Variants in EZR observed in about 807,000 individuals in gnomAD.
EZR encodes ezrin, also known as cytovillin 2.
EZR carries 40 observed loss-of-function variants against 74.8 expected under a neutral mutation model. That is an observed-to-expected ratio of 0.53 (90% confidence interval 0.42 to 0.70). The LOEUF (loss-of-function observed/expected upper bound fraction) is 0.70. Among genes scored for constraint, EZR ranks in the 30% least tolerant of loss-of-function variants. EZR has a pLI of 0.00. For missense variants in EZR, 678 were observed against 755.8 expected (o/e 0.90, Z 1.21); for synonymous variants, 341 against 283.3 (o/e 1.20, Z -2.05).
chr6:158,771,321 G>A lies in EZR; in HGVS notation c.882C>T (p.Arg294=). 1.2e-6 allele frequency: 2 copies of A among 1,614,182 alleles called. No homozygotes were observed. Among genetic ancestry groups the A allele is most frequent in the Non-Finnish European group, 1.7e-6 (2 of 1,180,012 alleles). The change falls in exon 9 of 14, where the codon CGC becomes CGT. Residue 294 remains arginine (R), a synonymous_variant. Transcript: ENST00000367075. Reference sequence around the variant, plus strand: ...GCACCTCGATGGTGTCAGGCTTCCTGCGGCGCATATACAACTCATGGTTGC... The same window carrying A: ...GCACCTCGATGGTGTCAGGCTTCCTACGGCGCATATACAACTCATGGTTGC... ...CMGNHELYMR[R]RKPDTIEVQQ...
intron 8 of EZR, among the ~76,000 whole-genome samples, chr6:158,772,696 T>G (rs576422822): frequency 6.6e-6 from 1 of 152,186 alleles, no homozygotes; most frequent in East Asian, 1.9e-4. Context: ...GAAACTCCCA[T>G]GAAAAGTTAT....
intron 9 of EZR, 142 bp downstream of exon 9, chr6:158,771,102 G>C (rs1439265775): frequency 7.4e-7 from 1 of 1,350,662 alleles, no homozygotes; most frequent in Non-Finnish European, 1.0e-6. Context: ...AGAGACAAAG[G>C]CCTCGAAGAT....
chr6:158,803,811 C>A (rs1777270530), intron 2 of EZR, among the ~76,000 whole-genome samples: 1 of 151,494 alleles, frequency 6.6e-6, no homozygotes, highest in African/African-American at 2.4e-5. Context: ...CAGACCAAGG[C>A]TGCTTAACAA....
intron 2 of EZR, among the ~76,000 whole-genome samples, chr6:158,791,999 C>T (rs1359201261): frequency 3.3e-5 from 5 of 151,898 alleles, no homozygotes; most frequent in South Asian, 2.1e-4. Context: ...TGAGCCACCG[C>T]GCCCGGCCCA....
chr6:158,794,957 T>TA (rs1777037108), intron 2 of EZR, among the ~76,000 whole-genome samples: 3 of 152,130 alleles, frequency 2.0e-5, no homozygotes, highest in Admixed American at 6.5e-5. Flanking sequence ...ATCTACTCTT[T>TA]AAAAAAGTCT....
At chr6:158,790,874 G>A (rs949529768) in intron 2 of EZR, among the ~76,000 whole-genome samples, 2 of 152,174 alleles carry the variant, frequency 1.3e-5, no homozygotes, top group African/African-American at 4.8e-5. Flanking sequence ...ATTAAGAAAT[G>A]CTTGCTTCTC....
At chr6:158,814,025 G>A (rs190042640) in intron 2 of EZR, among the ~76,000 whole-genome samples, 209 of 152,282 alleles carry the variant, frequency 1.4e-3, no homozygotes, top group African/African-American at 4.8e-3. Flanking sequence ...GGCGGGCAGA[G>A]AGGATGCTTC....
At position 158,795,980 on chromosome 6, in the gene EZR, C is replaced by T. The variant is rs1583577214; in HGVS notation, c.13-6609G>A. 3.3e-5 allele frequency among the ~76,000 whole-genome samples: 5 copies of T among 152,336 alleles called. No individual in the cohort carries two copies. In the South Asian group the frequency reaches 1.0e-3, roughly 32 times the overall value. On this transcript the variant is annotated intron_variant, in intron 2 of 13. Coordinates refer to ENST00000367075, the MANE Select transcript of EZR (RefSeq NM_001111077.2). ...CTAGATGGCTTGAGGCCTTTTCCCA[C>T]TCTGAAATGCTAGGTTCAAAGCCCA...
intron 1 of EZR, among the ~76,000 whole-genome samples, chr6:158,819,025 ACT>A (rs1484634202): frequency 2.6e-5 from 4 of 151,422 alleles, no homozygotes; most frequent in South Asian, 2.1e-4. Context: ...CCTTTGAGAA[ACT>A]CTTTCAAAAA....
Position 158,776,494 on chromosome 6 carries a change from T to C in EZR, c.709A>G (p.Lys237Glu). The change falls in exon 8 of 14, where the codon AAG (lysine) becomes GAG (glutamate). Residue 237 changes from lysine (K) to glutamate (E), a missense_variant. By Grantham distance (56) the Lys-to-Glu change is moderately conservative. Transcript: ENST00000367075. ...IYEKDDKLTPKIGFPWSEIRN... is the reference protein window; with the variant it reads ...IYEKDDKLTPEIGFPWSEIRN... ...ATTTCACTCCAAGGAAAGCCAATCTTTGGGGTTAACCTGAGGTTAAAAAGA... is the reference window on the plus strand; with the variant it reads ...ATTTCACTCCAAGGAAAGCCAATCTCTGGGGTTAACCTGAGGTTAAAAAGA... 6.2e-7 allele frequency: 1 copy of C among 1,613,178 alleles called. No homozygotes were observed. The highest frequency in any genetic ancestry group is 8.5e-7 in the Non-Finnish European group (1 of 1,179,582).
chr6:158,768,565 G>T (rs918919822), intron 12 of EZR, among the ~76,000 whole-genome samples: 1 of 152,152 alleles, frequency 6.6e-6, no homozygotes, highest in Non-Finnish European at 1.5e-5. Context: ...TGAAGGAGAG[G>T]AGCTGCTTAA....
Position 158,785,290 on chromosome 6 carries a change from C to A in EZR, c.467+19G>T, listed in dbSNP as rs1406330085. ...ACGGCATGACTGCTCCTGCCCAGGCCGGGTCATCCTGTGCTCACCTTTGAG... is the reference window on the plus strand; with the variant it reads ...ACGGCATGACTGCTCCTGCCCAGGCAGGGTCATCCTGTGCTCACCTTTGAG... On this transcript the variant is annotated intron_variant, in intron 5 of 13. Coordinates refer to ENST00000367075, the MANE Select transcript of EZR (RefSeq NM_001111077.2). 6.2e-7 allele frequency: 1 copy of A among 1,609,696 alleles called. No individual in the cohort carries two copies. The highest frequency in any genetic ancestry group is 1.7e-5 in the Admixed American group (1 of 59,958).
At chr6:158,807,751 C>A (rs1243860714) in intron 2 of EZR, among the ~76,000 whole-genome samples, 1 of 152,104 alleles carries the variant, frequency 6.6e-6, no homozygotes, top group Non-Finnish European at 1.5e-5. Context: ...TGTGTCTTTC[C>A]CCCTGCAATA....
At chr6:158,804,021 G>A (rs1294352901) in intron 2 of EZR, among the ~76,000 whole-genome samples, 1 of 152,108 alleles carries the variant, frequency 6.6e-6, no homozygotes, top group Non-Finnish European at 1.5e-5. Flanking sequence ...GCTTTCCATA[G>A]GTCTGACAAT....
Position 158,766,709 on chromosome 6 carries a change from G to T in EZR, c.*205C>A. The T allele has an allele frequency of 1.7e-6, 1 of 605,704 alleles. No individual in the cohort carries two copies. The highest frequency in any genetic ancestry group is 2.0e-5 in the South Asian group (1 of 50,674). The allele number at this position is 605,704 out of a possible 1,614,324, so 37.5% of individuals were successfully genotyped here. The stretch of plus-strand genomic sequence containing the variant: ...ATTCGAGAATAATCGCGAGAATCAG[G>T]CCTGCTTGGCACTATTACAACTGGG... On this transcript the variant is annotated 3_prime_UTR_variant, in exon 14 of 14. Coordinates refer to ENST00000367075, the MANE Select transcript of EZR (RefSeq NM_001111077.2).
intron 1 of EZR, 87 bp from the exon 2 acceptor site, chr6:158,818,253 G>T: frequency 1.5e-6 from 1 of 682,004 alleles, no homozygotes; most frequent in Non-Finnish European, 2.3e-6. Flanking sequence ...GCAGCGCGCT[G>T]CCGCTTAAGA....
At chr6:158,809,728 A>G (rs1035104498) in intron 2 of EZR, among the ~76,000 whole-genome samples, 1 of 152,276 alleles carries the variant, frequency 6.6e-6, no homozygotes, top group Non-Finnish European at 1.5e-5. Context: ...ATGCTTAACA[A>G]TAATTATTTT....
At chr6:158,813,117 C>T (rs964272272) in intron 2 of EZR, among the ~76,000 whole-genome samples, 1 of 152,218 alleles carries the variant, frequency 6.6e-6, no homozygotes, top group Non-Finnish European at 1.5e-5. Flanking sequence ...GCTTACAAGG[C>T]ATGGCCTGAC....
At chr6:158,775,184 C>T (rs1791241054) in intron 8 of EZR, among the ~76,000 whole-genome samples, 2 of 151,930 alleles carry the variant, frequency 1.3e-5, no homozygotes, top group Non-Finnish European at 2.9e-5. Context: ...AGGCGCCCAC[C>T]ACCACGCCCA....
Sources: allele counts gnomAD v4.1 joint callset (sites outside exome capture counted in the v4.1 genomes callset), GRCh38; gene constraint gnomAD v4.1.1; transcripts MANE v1.5; gene names NCBI Gene and HGNC (gene_info 2026-07-23, HGNC 2026-07-21).